WDR3: variants seen among roughly 807,000 people sequenced by gnomAD.
The protein encoded by WDR3 is WD repeat domain 3, also known as WD repeat-containing protein 3.
Under a neutral mutation model 123.7 loss-of-function variants are expected in WDR3, and 81 were observed. That is an observed-to-expected ratio of 0.65 (90% CI 0.55 to 0.79). The LOEUF is 0.79. WDR3 is among the 30% of genes least tolerant of loss of function. The probability of loss-of-function intolerance (pLI) is 0.00; values close to 1 mark genes in which losing one functional copy is unlikely to be tolerated. For synonymous variants in WDR3, 390 were observed against 388.8 expected (o/e 1.00, Z -0.04); for missense variants, 1,027 against 1,123.2 (o/e 0.91, Z 1.22).
chr1:117,941,980 C>T (rs60910565), intron 9 of WDR3, 133 bp downstream of exon 9: 8 of 1,365,258 alleles, frequency 5.9e-6, no homozygotes, highest in Non-Finnish European at 6.6e-6. Flanking sequence ...TGTGAGGTAT[C>T]GATAACCCAA....
intron 5 of WDR3, 46 bp from the exon 6 acceptor site, chr1:117,939,431 G>A (rs753588153): frequency 1.3e-6 from 2 of 1,561,742 alleles, no homozygotes; most frequent in Non-Finnish European, 8.8e-7. Context: ...ATGCTACCTG[G>A]AATCTCTTGA....
intron 13 of WDR3, 123 bp from the exon 14 acceptor site, chr1:117,949,627 GT>G (rs1287186132): frequency 2.3e-5 from 26 of 1,140,524 alleles, no homozygotes; most frequent in Non-Finnish European, 3.0e-5. Context: ...GGAGAACCAC[GT>G]TTTTCTTAAT....
At position 117,950,037 on chromosome 1, in the gene WDR3, T is replaced by C. The variant is rs1257673103; in HGVS notation, c.1653T>C (p.Asp551=). The C allele has an allele frequency of 6.2e-7, 1 of 1,614,040 alleles. No homozygotes were observed. The highest frequency in any genetic ancestry group is 8.5e-7 in the Non-Finnish European group (1 of 1,179,942). ...KQTRTLQLDE[D]VLCVSYSPNQ... is the part of the protein sequence containing the mutation. ...CCCGAACTTTGCAACTAGATGAAGA[T>C]GTTCTGTGTGTCAGTTACTCTCCCA... Residue 551 remains aspartate, a synonymous_variant, in exon 15 of 27, where the codon GAT becomes GAC. Coordinates refer to ENST00000349139, the MANE Select transcript of WDR3 (RefSeq NM_006784.3).
intron 19 of WDR3, 81 bp downstream of exon 19, chr1:117,952,743 G>C: frequency 6.5e-7 from 1 of 1,543,156 alleles, no homozygotes; most frequent in African/African-American, 1.4e-5. Context: ...GTCTAGTGCA[G>C]TTACACCTGA....
At chr1:117,946,721 C>T (rs925474246) in intron 12 of WDR3, among the ~76,000 whole-genome samples, 2 of 151,992 alleles carry the variant, frequency 1.3e-5, no homozygotes, top group African/African-American at 4.8e-5. Context: ...GCAGGCGGAT[C>T]ACAAGGTCAG....
rs375910506 is a variant in WDR3, at chr1:117,963,749, C to G, written c.*4302C>G. The G allele has an allele frequency of 5.6e-5, 87 of 1,556,140 alleles. No homozygotes were observed. The highest frequency in any genetic ancestry group is 7.4e-5 in the Non-Finnish European group (84 of 1,140,940). On this transcript the variant is annotated 3_prime_UTR_variant, in exon 27 of 27. Transcript: ENST00000349139. Reference sequence around the variant, plus strand: ...GGGGAAGAAACCTGGGGTCTAATACCTCAAATTTGAATGCTTGACAATCAA... The same window carrying G: ...GGGGAAGAAACCTGGGGTCTAATACGTCAAATTTGAATGCTTGACAATCAA...
At position 117,942,947 on chromosome 1, in the gene WDR3, C is replaced by T. The variant is rs184995084; in HGVS notation, c.1097+403C>T. On this transcript the variant is annotated intron_variant, in intron 10 of 26. Transcript: ENST00000349139. ...GCCTACTCAGCTACTACTCAATACT[C>T]GGAGCACTCTTTTAATTTTTTTTGA... Among the ~76,000 whole-genome samples the T allele has an allele frequency of 4.5e-3, 635 of 142,294 alleles. 3 individuals are homozygous for T. The highest frequency in any genetic ancestry group is 0.018 in the Middle Eastern group (5 of 272). 93.4% of individuals were successfully genotyped at this position (142,294 alleles called of 152,430 possible).
chr1:117,943,258 G>A lies in WDR3; in HGVS notation c.1098-138G>A, dbSNP rs924651661. The A allele has an allele frequency of 2.7e-6, 2 of 746,914 alleles. 1 individual carries two copies. The highest frequency in any genetic ancestry group is 5.5e-5 in the Admixed American group (2 of 36,060). 46.3% of individuals were successfully genotyped at this position (746,914 alleles called of 1,614,324 possible). ...GTGAGCCACTGCACCCAGCCTCAGG[G>A]CACTCTTACTTGAAAAATTGTTTAT... On this transcript the variant is annotated intron_variant, in intron 10 of 26. Transcript: ENST00000349139.
intron 22 of WDR3, 21 bp from the exon 23 acceptor site, chr1:117,954,559 G>T: frequency 6.2e-7 from 1 of 1,610,322 alleles, no homozygotes; most frequent in South Asian, 1.1e-5. Context: ...TTAATGACTT[G>T]ATTTAATAAT....
chr1:117,954,492 T>G, intron 22 of WDR3, 88 bp from the exon 23 acceptor site: 1 of 1,333,674 alleles, frequency 7.5e-7, no homozygotes, highest in East Asian at 2.3e-5. Context: ...CTTTTCAAAA[T>G]TATAAAATAC....
rs1456910135 is a variant in WDR3, at chr1:117,939,399, CAG to C, written c.580-76_580-75del. On this transcript the variant is annotated intron_variant, in intron 5 of 26. Transcript: ENST00000349139. Reference sequence around the variant, plus strand: ...TGCTAGACATTTTACTACGGTGTAACAGACTTTTGGAATGTCATATTATGCTA... The same window carrying C: ...TGCTAGACATTTTACTACGGTGTAACACTTTTGGAATGTCATATTATGCTA... 1.2e-5 allele frequency: 17 copies of C among 1,456,846 alleles called. No homozygotes were observed. In the Admixed American group the frequency reaches 1.7e-4, roughly 15 times the overall value. The allele number at this position is 1,456,846 out of a possible 1,614,324, so 90.2% of individuals were successfully genotyped here.
In WDR3 at chr1:117,965,134, TAC is replaced by T. The variant is rs1653655919; in HGVS notation, c.*5689_*5690del. ...ATAACTAATGTTTCTGCTTTCTTAA[TAC>T]AGTCATTCTTTACCTTTTGCAATTT... is the stretch of plus-strand genomic sequence containing the variant. On this transcript the variant is annotated 3_prime_UTR_variant, in exon 27 of 27. Transcript: ENST00000349139. The T allele has an allele frequency of 6.6e-6, 1 of 152,222 alleles. No individual in the cohort carries two copies. Among genetic ancestry groups the T allele is most frequent in the Admixed American group, 6.5e-5 (1 of 15,286 alleles). 9.4% of individuals were successfully genotyped at this position (152,222 alleles called of 1,614,324 possible).
intron 3 of WDR3, among the ~76,000 whole-genome samples, chr1:117,935,917 AC>A (rs1461342634): frequency 6.6e-6 from 1 of 151,976 alleles, no homozygotes; most frequent in Admixed American, 6.5e-5. Flanking sequence ...TTAATAACTT[AC>A]AGTCAAATAA....
chr1:117,940,751 A>G, intron 6 of WDR3, 76 bp from the exon 7 acceptor site: 1 of 1,311,444 alleles, frequency 7.6e-7, no homozygotes, highest in Non-Finnish European at 1.1e-6. Flanking sequence ...AACAACAACA[A>G]AACAACAACA....
intron 13 of WDR3, among the ~76,000 whole-genome samples, chr1:117,948,998 A>G (rs1200739631): frequency 6.6e-6 from 1 of 152,006 alleles, no homozygotes; most frequent in African/African-American, 2.4e-5. Flanking sequence ...TTTTTTGACA[A>G]CACCTTAAGA....
chr1:117,953,064 T>C, intron 20 of WDR3, 68 bp downstream of exon 20: 1 of 1,528,262 alleles, frequency 6.5e-7, no homozygotes, highest in Non-Finnish European at 9.0e-7. Context: ...TTGACTATAA[T>C]GTCCAGAATT....
chr1:117,943,317 G>A lies in WDR3; in HGVS notation c.1098-79G>A. On this transcript the variant is annotated intron_variant, in intron 10 of 26. Coordinates refer to ENST00000349139, the MANE Select transcript of WDR3 (RefSeq NM_006784.3). ...AAACTTTATATAGATAGAGGACATT[G>A]TAAAGCCTTTTCCTGGAAAAAGTAA... 3.2e-6 allele frequency: 4 copies of A among 1,243,576 alleles called. No homozygotes were observed. In the South Asian group the frequency reaches 4.2e-5, roughly 13 times the overall value. 77.0% of individuals were successfully genotyped at this position (1,243,576 alleles called of 1,614,324 possible).
intron 10 of WDR3, 77 bp from the exon 11 acceptor site, chr1:117,943,319 A>C: frequency 8.0e-7 from 1 of 1,257,392 alleles, no homozygotes. Context: ...AGGACATTGT[A>C]AAGCCTTTTC....
intron 20 of WDR3, 93 bp downstream of exon 20, chr1:117,953,089 A>C: frequency 7.0e-7 from 1 of 1,428,818 alleles, no homozygotes; most frequent in Non-Finnish European, 9.6e-7. Context: ...ATAGAATTAA[A>C]ATTGAGGCTA....
Sources: gnomAD v4.1 joint callset for allele counts (sites outside exome capture counted in the v4.1 genomes callset) on GRCh38, gnomAD v4.1.1 for gene constraint, MANE v1.5 for transcripts, NCBI Gene and HGNC (gene_info 2026-07-23, HGNC 2026-07-21) for gene names.